The following PCNT variants were observed in gnomAD, a reference collection of about 807,000 sequenced individuals.
PCNT encodes kendrin.
A neutral mutation model predicts 380.4 loss-of-function variants in PCNT; 319 were observed. The observed-to-expected ratio is 0.84, with a 90% CI of 0.77 to 0.92. The LOEUF (loss-of-function observed/expected upper bound fraction) is 0.92. Among genes scored for constraint, PCNT ranks in the 40% least tolerant of loss-of-function variants. The pLI is 0.00. For missense variants in PCNT, 4,400 were observed against 4,255.3 expected (o/e 1.03, Z -0.95); for synonymous variants, 1,845 against 1,735.2 (o/e 1.06, Z -1.57).
At chr21:46,440,690 G>A (rs558965251) in intron 42 of PCNT, among the ~76,000 whole-genome samples, 165 bp from the exon 43 acceptor site, 1 of 149,916 alleles carries the variant, frequency 6.7e-6, no homozygotes, top group Admixed American at 6.7e-5. Context: ...CCAACAGCAA[G>A]GTTGTTTCTG....
chr21:46,374,849 CAAAAA>C (rs760273140), intron 15 of PCNT, among the ~76,000 whole-genome samples: 15 of 85,550 alleles, frequency 1.8e-4, no homozygotes, highest in African/African-American at 7.1e-4. Flanking sequence ...AACTTCGTCT[CAAAAA>C]AAAAAAAAAA....
chr21:46,361,673 T>G (rs539383744), intron 13 of PCNT, among the ~76,000 whole-genome samples: 2 of 152,324 alleles, frequency 1.3e-5, no homozygotes, highest in African/African-American at 4.8e-5. Flanking sequence ...CATTTCTTCT[T>G]GAAGATCTGA....
intron 2 of PCNT, among the ~76,000 whole-genome samples, chr21:46,332,017 G>A (rs939118838): frequency 2.6e-5 from 4 of 152,148 alleles, no homozygotes; most frequent in Admixed American, 6.5e-5. Context: ...AAAATTAGCC[G>A]GGTCTCATGG....
rs1277278565 is a variant in PCNT at position 46,346,220 on chromosome 21, G to A, written c.720+12G>A. 1 of 1,611,804 alleles carries A rather than the reference G, an allele frequency of 6.2e-7. No individual in the cohort carries two copies. The highest frequency in any genetic ancestry group is 2.2e-5 in the East Asian group (1 of 44,874). On this transcript the variant is annotated intron_variant, in intron 4 of 46. Transcript: ENST00000359568. ...TGCATCAGAGTCAGGTGACCCGGCGGGGCCTGCACAGGCTCACAGCATGGG... is the reference window on the plus strand; with the variant it reads ...TGCATCAGAGTCAGGTGACCCGGCGAGGCCTGCACAGGCTCACAGCATGGG...
chr21:46,360,844 G>T (rs1170857327), intron 13 of PCNT, among the ~76,000 whole-genome samples: 1 of 152,126 alleles, frequency 6.6e-6, no homozygotes, highest in Non-Finnish European at 1.5e-5. Context: ...AATCCATTCT[G>T]ATAATCTCTG....
intron 27 of PCNT, among the ~76,000 whole-genome samples, chr21:46,407,681 A>G (rs2086660832): frequency 1.3e-5 from 2 of 152,030 alleles, no homozygotes; most frequent in African/African-American, 2.4e-5. Context: ...CTTATTAACC[A>G]TTTCCTTACT....
chr21:46,394,338 G>A lies in PCNT; in HGVS notation c.4217-2927G>A, dbSNP rs554153085. Among the ~76,000 whole-genome samples, 13 of 152,324 alleles carry A rather than the reference G, an allele frequency of 8.5e-5. No homozygotes were observed. In the South Asian group the frequency reaches 1.7e-3, roughly 19 times the overall value. On this transcript the variant is annotated intron_variant, in intron 21 of 46. Coordinates refer to ENST00000359568, the MANE Select transcript of PCNT (RefSeq NM_006031.6). ...TTGAAAAGTTGATGGGCCTGCAGCC[G>A]CACAGGCAGTTGTGGGCATGGTGGG...
At position 46,378,529 on chromosome 21, in the gene PCNT, C is replaced by T. The variant is rs114928660; in HGVS notation, c.3166-3165C>T. Among the ~76,000 whole-genome samples the T allele has an allele frequency of 9.9e-5, 15 of 152,030 alleles. No individual in the cohort carries two copies. In the East Asian group the frequency reaches 2.7e-3, roughly 28 times the overall value. On this transcript the variant is annotated intron_variant, in intron 15 of 46. Transcript: ENST00000359568. ...GTAGTGCTTGCCACGTGGATAACGC[C>T]GGACAGAAGGATGACCCCCGGCCTG...
intron 15 of PCNT, among the ~76,000 whole-genome samples, chr21:46,380,545 A>G (rs987726879): frequency 1.3e-5 from 2 of 151,350 alleles, no homozygotes; most frequent in African/African-American, 2.4e-5. Context: ...GCAGTTGTGC[A>G]TGGAAATTTT....
intron 12 of PCNT, among the ~76,000 whole-genome samples, chr21:46,356,117 C>T (rs1166678871): frequency 5.3e-5 from 8 of 152,306 alleles, no homozygotes; most frequent in South Asian, 2.1e-4. Context: ...CCCAGAGTCG[C>T]GGTCCCATGG....
At chr21:46,437,216 A>G in intron 40 of PCNT, 135 bp downstream of exon 40, 2 of 670,142 alleles carry the variant, frequency 3.0e-6, no homozygotes, top group South Asian at 3.4e-5. Flanking sequence ...CATGGTTGCT[A>G]TCTGGGTGAG....
chr21:46,334,685 ACAGT>A lies in PCNT; in HGVS notation c.561_564del (p.Ser188ThrfsTer64). 1 of 1,611,612 alleles carries A rather than the reference ACAGT, an allele frequency of 6.2e-7. No homozygotes were observed. Reference sequence around the variant, plus strand: ...CCAACCGGAACAGCGTGGGATGTTCACAGTCAGTGACCACACACCAGAACAGCGT... The same window carrying A: ...CCAACCGGAACAGCGTGGGATGTTCACAGTGACCACACACCAGAACAGCGT... On this transcript the variant is annotated frameshift_variant, in exon 3 of 47. Coordinates refer to ENST00000359568, the MANE Select transcript of PCNT (RefSeq NM_006031.6). LOFTEE classifies it high-confidence loss of function.
At chr21:46,406,596 CCTT>C (rs1328672006) in intron 27 of PCNT, among the ~76,000 whole-genome samples, 1 of 152,092 alleles carries the variant, frequency 6.6e-6, no homozygotes, top group Non-Finnish European at 1.5e-5. Context: ...TTTGTTATTT[CCTT>C]CTTTTATTAC....
Position 46,411,293 on chromosome 21 carries a change from ACAACTC to A in PCNT, c.5223_5228del (p.Gln1741_Leu1742del). On this transcript the variant is annotated inframe_deletion, in exon 28 of 47. Coordinates refer to ENST00000359568, the MANE Select transcript of PCNT (RefSeq NM_006031.6). ...AAAAGGAGAAAGCAGAGGAAATTGA[ACAACTC>A]CATGAAGTCATTGAGAAGCTGCAGC... 1 of 1,614,216 alleles carries A rather than the reference ACAACTC, an allele frequency of 6.2e-7. No homozygotes were observed. Among genetic ancestry groups the A allele is most frequent in the Non-Finnish European group, 8.5e-7 (1 of 1,180,042 alleles).
rs1385568887 is a variant in PCNT at position 46,430,342 on chromosome 21, C to G, written c.7913+110C>G. Reference sequence around the variant, plus strand: ...TCTGGTGGGCCGCAGTTGGGCAGCCCCAGGGGCACCGCGCCCTGCTGTCCC... The same window carrying G: ...TCTGGTGGGCCGCAGTTGGGCAGCCGCAGGGGCACCGCGCCCTGCTGTCCC... On this transcript the variant is annotated intron_variant, in intron 36 of 46. Transcript: ENST00000359568. The G allele has an allele frequency of 2.9e-6, 4 of 1,384,388 alleles. No homozygotes were observed. In the Admixed American group the frequency reaches 5.9e-5, roughly 20 times the overall value. 85.8% of individuals were successfully genotyped at this position (1,384,388 alleles called of 1,614,324 possible). A position where few individuals can be genotyped will look rare whatever the true frequency, so the allele number is the denominator to read the frequency against.
intron 15 of PCNT, among the ~76,000 whole-genome samples, chr21:46,380,487 G>T (rs1216710304): frequency 6.6e-6 from 1 of 151,966 alleles, no homozygotes; most frequent in Non-Finnish European, 1.5e-5. Context: ...TTGACACCGA[G>T]AGCTCTGACC....
Position 46,399,486 on chromosome 21 carries a change from AG to A in PCNT, c.4585-101del, listed in dbSNP as rs975836863. The stretch of plus-strand genomic sequence containing the variant: ...TCCCTTTGGGTCTAGGGGAGGGCAT[AG>A]GGCATCTATTTTGTCTCTGTTGTTT... On this transcript the variant is annotated intron_variant, in intron 24 of 46. Coordinates refer to ENST00000359568, the MANE Select transcript of PCNT (RefSeq NM_006031.6). 31 of 823,402 alleles carry A rather than the reference AG, an allele frequency of 3.8e-5. No homozygotes were observed. In the African/African-American group the frequency reaches 4.7e-4, roughly 12 times the overall value. 51.0% of individuals were successfully genotyped at this position (823,402 alleles called of 1,614,324 possible). A position where few individuals can be genotyped will look rare whatever the true frequency, so the allele number is the denominator to read the frequency against.
chr21:46,404,828 C>T (rs1052659155), intron 27 of PCNT, among the ~76,000 whole-genome samples: 3 of 151,882 alleles, frequency 2.0e-5, no homozygotes, highest in Non-Finnish European at 4.4e-5. Context: ...CACACCACTC[C>T]GGAGACTGAG....
intron 27 of PCNT, among the ~76,000 whole-genome samples, chr21:46,409,103 G>T (rs1601996986): frequency 6.6e-6 from 1 of 150,876 alleles, no homozygotes; most frequent in African/African-American, 2.4e-5. Context: ...GCTTTTTTTT[G>T]ATACATGATT....
Sources: gnomAD v4.1 joint callset for allele counts (sites outside exome capture counted in the v4.1 genomes callset) on GRCh38, gnomAD v4.1.1 for gene constraint, MANE v1.5 for transcripts, NCBI Gene and HGNC (gene_info 2026-07-23, HGNC 2026-07-21) for gene names.